Variants in ZNF146 observed in about 807,000 individuals in gnomAD.
The protein encoded by ZNF146 is zinc finger protein OZF.
In ZNF146, 9 loss-of-function variants were observed where a neutral mutation model predicts 22.2. That is an observed-to-expected ratio of 0.41 (90% CI 0.24 to 0.71). The LOEUF is 0.71. Among genes scored for constraint, ZNF146 ranks in the 30% least tolerant of loss-of-function variants. ZNF146 has a pLI of 0.34. For missense variants in ZNF146, 194 were observed against 344.8 expected (o/e 0.56, Z 3.46); for synonymous variants, 108 against 119.2 (o/e 0.91, Z 0.61).
chr19:36,231,598 A>G (rs1350925557), intron 3 of ZNF146, among the ~76,000 whole-genome samples: 5 of 152,182 alleles, frequency 3.3e-5, no homozygotes, highest in South Asian at 2.1e-4. Flanking sequence ...TTACCTGTTT[A>G]TGGGACAGAC....
In ZNF146 at chr19:36,218,196, G is replaced by T. The variant is rs1298620110; in HGVS notation, c.-855+1G>T. 2 of 151,002 alleles carry T rather than the reference G, an allele frequency of 1.3e-5. No homozygotes were observed. Among genetic ancestry groups the T allele is most frequent in the South Asian group, 2.1e-4 (1 of 4,802 alleles). The allele number at this position is 151,002 out of a possible 1,614,324, so 9.4% of individuals were successfully genotyped here. ...CCACTTTTTACCTTGGGGACCTCAG[G>T]TAGGTACTTAAACCTTGGGCCTCAG... On this transcript the variant is annotated splice_donor_variant, in intron 2 of 3. Coordinates refer to ENST00000443387, the MANE Select transcript of ZNF146 (RefSeq NM_007145.3). LOFTEE classifies it low-confidence loss of function (5UTR_SPLICE).
chr19:36,216,324 A>G (rs1250783893), intron 1 of ZNF146, among the ~76,000 whole-genome samples: 3 of 152,128 alleles, frequency 2.0e-5, no homozygotes, highest in Non-Finnish European at 4.4e-5. Context: ...AAGTGTGCGC[A>G]AACTTAAGTG....
At chr19:36,223,536 C>T (rs944093181) in intron 2 of ZNF146, among the ~76,000 whole-genome samples, 7 of 151,700 alleles carry the variant, frequency 4.6e-5, no homozygotes, top group African/African-American at 1.2e-4. Flanking sequence ...TTAATTTTTT[C>T]GTATTTTTAG....
chr19:36,227,545 G>A (rs1159989064), intron 2 of ZNF146, among the ~76,000 whole-genome samples: 11 of 151,892 alleles, frequency 7.2e-5, no homozygotes, highest in Admixed American at 5.9e-4. Context: ...CACCACACCT[G>A]GCTTAAAAAT....
At chr19:36,219,932 T>TC (rs1976764475) in intron 2 of ZNF146, among the ~76,000 whole-genome samples, 1 of 152,244 alleles carries the variant, frequency 6.6e-6, no homozygotes, top group African/African-American at 2.4e-5. Flanking sequence ...TATCTTTTTT[T>TC]CCCCCTGGCT....
At chr19:36,226,613 G>A (rs902452049) in intron 2 of ZNF146, among the ~76,000 whole-genome samples, 3 of 152,008 alleles carry the variant, frequency 2.0e-5, no homozygotes, top group Non-Finnish European at 2.9e-5. Flanking sequence ...TTGTGGACAT[G>A]CTTCCTTTAT....
At chr19:36,225,782 A>T (rs775063027) in intron 2 of ZNF146, among the ~76,000 whole-genome samples, 1 of 90,828 alleles carries the variant, frequency 1.1e-5, no homozygotes, top group African/African-American at 4.5e-5. Context: ...TTTTTTTGAG[A>T]CAGGGTCTTG....
chr19:36,225,066 A>G (rs943068794), intron 2 of ZNF146, among the ~76,000 whole-genome samples: 7 of 152,238 alleles, frequency 4.6e-5, no homozygotes, highest in East Asian at 1.9e-4. Context: ...GTGTTTTTCT[A>G]TTACTTTTAT....
At chr19:36,221,722 T>C (rs1976847566) in intron 2 of ZNF146, among the ~76,000 whole-genome samples, 1 of 152,178 alleles carries the variant, frequency 6.6e-6, no homozygotes, top group Non-Finnish European at 1.5e-5. Context: ...CTTTGTCTTA[T>C]GTAAACATGT....
At position 36,235,666 on chromosome 19, in the gene ZNF146, C is replaced by A. The variant is rs1977620338; in HGVS notation, c.-775C>A. 1 of 152,052 alleles carries A rather than the reference C, an allele frequency of 6.6e-6. No homozygotes were observed. The highest frequency in any genetic ancestry group is 2.4e-5 in the African/African-American group (1 of 41,378). 9.4% of individuals were successfully genotyped at this position (152,052 alleles called of 1,614,324 possible). On this transcript the variant is annotated 5_prime_UTR_variant, in exon 4 of 4. The change creates a new upstream start codon in the 5' untranslated region. Transcript: ENST00000443387. The stretch of plus-strand genomic sequence containing the variant: ...CTTTGTACTCCATTTTAGAAGAAGC[C>A]TGAGAAGATGATGCACAGATAGAGA...
intron 3 of ZNF146, among the ~76,000 whole-genome samples, chr19:36,234,106 TC>T (rs1445584580): frequency 6.6e-6 from 1 of 152,196 alleles, no homozygotes; most frequent in African/African-American, 2.4e-5. Context: ...CATGCTGCCT[TC>T]AAGCATTTGT....
chr19:36,224,239 T>C (rs1976981001), intron 2 of ZNF146, among the ~76,000 whole-genome samples: 1 of 152,100 alleles, frequency 6.6e-6, no homozygotes, highest in African/African-American at 2.4e-5. Context: ...AAACATTAGC[T>C]GGGTGTGGTG....
intron 2 of ZNF146, among the ~76,000 whole-genome samples, chr19:36,227,484 A>G (rs2432052): frequency 0.34 from 52,019 of 151,338 alleles, 9,465 homozygotes; most frequent in South Asian, 0.48. Context: ...CCTGGGCTCG[A>G]GTGATCTTCC....
rs1219551320 is a variant in ZNF146 at position 36,215,204 on chromosome 19, C to T, written c.-929+8C>T. ...GTGGCGCGAAAGTAGGAGGTGGGAT[C>T]TGGGCGTCTCGGGTCGGTCGGACCG... is the stretch of plus-strand genomic sequence containing the variant. On this transcript the variant is annotated splice_region_variant and intron_variant, in intron 1 of 3. Transcript: ENST00000443387. The T allele has an allele frequency of 6.6e-6, 1 of 152,298 alleles. No individual in the cohort carries two copies. The highest frequency in any genetic ancestry group is 1.5e-5 in the Non-Finnish European group (1 of 68,182). 9.4% of individuals were successfully genotyped at this position (152,298 alleles called of 1,614,324 possible).
chr19:36,235,141 G>A (rs1431400912), intron 3 of ZNF146, among the ~76,000 whole-genome samples: 4 of 151,282 alleles, frequency 2.6e-5, no homozygotes, highest in Non-Finnish European at 5.9e-5. Context: ...CCCAGGAGGC[G>A]GAGGCTGCAG....
intron 2 of ZNF146, among the ~76,000 whole-genome samples, chr19:36,218,457 C>T (rs1377031690): frequency 6.6e-6 from 1 of 151,692 alleles, no homozygotes; most frequent in Admixed American, 6.6e-5. Flanking sequence ...TGTAGATGCA[C>T]TTTTGTTATT....
At chr19:36,231,665 C>G (rs1485793575) in intron 3 of ZNF146, among the ~76,000 whole-genome samples, 2 of 152,204 alleles carry the variant, frequency 1.3e-5, no homozygotes, top group South Asian at 4.1e-4. Flanking sequence ...AAATTTTCAT[C>G]CTATTATTTT....
intron 2 of ZNF146, among the ~76,000 whole-genome samples, chr19:36,221,769 A>G (rs1363596440): frequency 6.6e-6 from 1 of 151,556 alleles, no homozygotes; most frequent in African/African-American, 2.4e-5. Flanking sequence ...TTATCCTTCA[A>G]GTGGGTTTTT....
chr19:36,236,409 A>ATTT lies in ZNF146; in HGVS notation c.-32_-31insTTT. 2 of 1,558,340 alleles carry ATTT rather than the reference A, an allele frequency of 1.3e-6. No individual in the cohort carries two copies. The highest frequency in any genetic ancestry group is 1.7e-6 in the Non-Finnish European group (2 of 1,156,858). ...CATCAAGAAATTTTTACTGGAGAGA[A>ATTT]ACCTTGTGAATGTGGGAAAGCTTCC... On this transcript the variant is annotated 5_prime_UTR_variant, in exon 4 of 4. Coordinates refer to ENST00000443387, the MANE Select transcript of ZNF146 (RefSeq NM_007145.3).
Sources: gnomAD v4.1 joint callset for allele counts (sites outside exome capture counted in the v4.1 genomes callset) on GRCh38, gnomAD v4.1.1 for gene constraint, MANE v1.5 for transcripts, NCBI Gene and HGNC (gene_info 2026-07-23, HGNC 2026-07-21) for gene names.